The following RAB3D variants were observed in gnomAD, a reference collection of about 807,000 sequenced individuals.
The protein encoded by RAB3D is ras-related protein Rab-3D.
A neutral mutation model predicts 19.3 loss-of-function variants in RAB3D; 17 were observed. That is an observed-to-expected ratio of 0.88 (90% CI 0.60 to 1.32). The LOEUF is 1.32. Ranked by LOEUF, RAB3D falls within the 40% of genes most tolerant of loss-of-function variation. RAB3D has a pLI of 0.00. For missense variants in RAB3D, 223 were observed against 299.1 expected (o/e 0.75, Z 1.88); for synonymous variants, 103 against 119.9 (o/e 0.86, Z 0.92).
chr19:11,331,155 C>G (rs1386403749), intron 4 of RAB3D, among the ~76,000 whole-genome samples: 19 of 151,686 alleles, frequency 1.3e-4, no homozygotes, highest in Admixed American at 1.3e-3. Context: ...AGCCAGGCCC[C>G]GTGGTGGTGG....
Position 11,335,721 on chromosome 19 carries a change from G to A in RAB3D, c.291C>T (p.Gly97=), listed in dbSNP as rs1405293540. The change falls in exon 3 of 5, where the codon GGC becomes GGT. Residue 97 remains glycine, a synonymous_variant. Transcript: ENST00000222120. ...ITTAYYRGAM[G]FLLMYDIANQ... Reference sequence around the variant, plus strand: ...TGGCGATGTCATACATGAGCAGGAAGCCCATGGCTCCCCGGTAGTAGGCCG... The same window carrying A: ...TGGCGATGTCATACATGAGCAGGAAACCCATGGCTCCCCGGTAGTAGGCCG... 1.2e-6 allele frequency: 2 copies of A among 1,614,116 alleles called. No individual in the cohort carries two copies. Among genetic ancestry groups the A allele is most frequent in the Admixed American group, 3.3e-5 (2 of 60,010 alleles).
Position 11,323,125 on chromosome 19 carries a change from C to T in RAB3D, c.*2273G>A, listed in dbSNP as rs868271452. 6.8e-6 allele frequency: 1 copy of T among 148,030 alleles called. No individual in the cohort carries two copies. The highest frequency in any genetic ancestry group is 1.5e-5 in the Non-Finnish European group (1 of 66,878). 9.2% of individuals were successfully genotyped at this position (148,030 alleles called of 1,614,324 possible). On this transcript the variant is annotated 3_prime_UTR_variant, in exon 5 of 5. Coordinates refer to ENST00000222120, the MANE Select transcript of RAB3D (RefSeq NM_004283.4). ...CTCTCTGTCTTAAAAAAAAAAAAAA[C>T]AAAAAAACCTCAGCAGGCCATACTG...
chr19:11,333,693 C>CTT (rs112998115), intron 4 of RAB3D, among the ~76,000 whole-genome samples: 3 of 143,456 alleles, frequency 2.1e-5, no homozygotes. Context: ...TCTTTCTTTC[C>CTT]TTTTTTTTTT....
rs778914252 is a variant in RAB3D, at chr19:11,335,434, G to T, written c.472+13C>A. 6.2e-7 allele frequency: 1 copy of T among 1,613,784 alleles called. No individual in the cohort carries two copies. Among genetic ancestry groups the T allele is most frequent in the South Asian group, 1.1e-5 (1 of 91,058 alleles). ...TGGGAGACCAGGGCCTGTGGCCCAGGCTGGGCACTAACCAAGGTCGTCGGC... is the reference window on the plus strand; with the variant it reads ...TGGGAGACCAGGGCCTGTGGCCCAGTCTGGGCACTAACCAAGGTCGTCGGC... On this transcript the variant is annotated intron_variant, in intron 4 of 4. Transcript: ENST00000222120.
chr19:11,337,061 T>C (rs1392021890), intron 2 of RAB3D, 111 bp downstream of exon 2: 6 of 886,160 alleles, frequency 6.8e-6, no homozygotes, highest in Non-Finnish European at 7.0e-6. Context: ...GCCACTGCCC[T>C]CCAGCCTGGG....
intron 4 of RAB3D, among the ~76,000 whole-genome samples, chr19:11,328,389 C>A (rs1028331981): frequency 6.7e-6 from 1 of 148,678 alleles, no homozygotes; most frequent in Non-Finnish European, 1.5e-5. Flanking sequence ...TGGTGGCTCA[C>A]GCCTGTAATT....
Position 11,337,414 on chromosome 19 carries a change from C to G in RAB3D, c.-15G>C. 6.2e-7 allele frequency: 1 copy of G among 1,609,938 alleles called. No homozygotes were observed. The highest frequency in any genetic ancestry group is 1.3e-5 in the African/African-American group (1 of 74,998). On this transcript the variant is annotated 5_prime_UTR_variant, in exon 2 of 5. Transcript: ENST00000222120. ...GCTGATGCCATCTTGGCACAAGCCT[C>G]CTGGGACAGGGAGACCTGAAATCCT...
chr19:11,328,596 G>A (rs1304704044), intron 4 of RAB3D, among the ~76,000 whole-genome samples: 1 of 152,056 alleles, frequency 6.6e-6, no homozygotes, highest in Non-Finnish European at 1.5e-5. Context: ...GCAGTGAGCC[G>A]AGATTATGCC....
chr19:11,334,484 C>G (rs971804689), intron 4 of RAB3D, among the ~76,000 whole-genome samples: 1 of 150,930 alleles, frequency 6.6e-6, no homozygotes, highest in African/African-American at 2.4e-5. Flanking sequence ...AAAACAAAAA[C>G]AAACCATAAA....
chr19:11,335,418 A>G (rs2080848731), intron 4 of RAB3D, 29 bp downstream of exon 4: 1 of 1,612,740 alleles, frequency 6.2e-7, no homozygotes, highest in African/African-American at 1.3e-5. Flanking sequence ...CTGGGAGACC[A>G]GGGCCTGTGG....
At chr19:11,334,966 G>A (rs74179986) in intron 4 of RAB3D, among the ~76,000 whole-genome samples, 6,044 of 151,886 alleles carry the variant, frequency 0.04, 140 homozygotes, top group African/African-American at 0.068. Context: ...GCAGTGAGCC[G>A]AGATCGCGCC....
intron 4 of RAB3D, among the ~76,000 whole-genome samples, chr19:11,327,557 C>G (rs2080819937): frequency 2.6e-5 from 4 of 152,180 alleles, no homozygotes; most frequent in Admixed American, 2.6e-4. Flanking sequence ...AACCACCATG[C>G]CAGGCTAATT....
intron 4 of RAB3D, chr19:11,326,800 G>A (rs1196050161): frequency 1.4e-6 from 1 of 694,178 alleles, no homozygotes; most frequent in Non-Finnish European, 2.6e-6. Context: ...GTAGAGGTGG[G>A]GGTCTCGCTA....
At chr19:11,337,748 G>A (rs1966910614) in intron 1 of RAB3D, among the ~76,000 whole-genome samples, 1 of 151,232 alleles carries the variant, frequency 6.6e-6, no homozygotes, top group Non-Finnish European at 1.5e-5. Context: ...ATAGCTCACT[G>A]CAGTCTTGAC....
intron 4 of RAB3D, chr19:11,327,096 T>C (rs2080817796): frequency 7.3e-6 from 3 of 409,166 alleles, no homozygotes; most frequent in African/African-American, 2.1e-5. Flanking sequence ...GAAAATGGAA[T>C]CATAATGAGT....
At chr19:11,337,993 A>T (rs1304548081) in intron 1 of RAB3D, among the ~76,000 whole-genome samples, 3 of 152,018 alleles carry the variant, frequency 2.0e-5, no homozygotes. Flanking sequence ...TTCTTTATTC[A>T]TTCAACAAAT....
In RAB3D at chr19:11,337,208, G is replaced by A; in HGVS notation, c.192C>T (p.Val64=). Residue 64 remains valine (V), a synonymous_variant, in exon 2 of 5, where the codon GTC becomes GTT. Coordinates refer to ENST00000222120, the MANE Select transcript of RAB3D (RefSeq NM_004283.4). ...TVGIDFKVKT[V]YRHDKRIKLQ... is the part of the protein sequence containing the mutation. ...GCTTGATCCTCTTGTCATGGCGGTA[G>A]ACGGTCTTGACCTTGAAATCGATGC... is the stretch of plus-strand genomic sequence containing the variant. 6.2e-7 allele frequency: 1 copy of A among 1,614,080 alleles called. No individual in the cohort carries two copies.
At position 11,337,321 on chromosome 19, in the gene RAB3D, G is replaced by A. The variant is rs765562328; in HGVS notation, c.79C>T (p.Leu27=). ...QNFDYMFKLL[L]IGNSSVGKTS... ...TTGCCCACACTGCTGTTGCCTATCA[G>A]TAGCAGTTTGAACATATAGTCGAAG... is the stretch of plus-strand genomic sequence containing the variant. Residue 27 remains leucine (L), a synonymous_variant, in exon 2 of 5, where the codon CTG becomes TTG. Coordinates refer to ENST00000222120, the MANE Select transcript of RAB3D (RefSeq NM_004283.4). 5.0e-6 allele frequency: 8 copies of A among 1,614,182 alleles called. No individual in the cohort carries two copies. The highest frequency in any genetic ancestry group is 5.9e-6 in the Non-Finnish European group (7 of 1,180,042).
intron 4 of RAB3D, among the ~76,000 whole-genome samples, chr19:11,328,003 C>A (rs1389704202): frequency 1.3e-5 from 2 of 151,894 alleles, no homozygotes; most frequent in African/African-American, 4.8e-5. Flanking sequence ...TTGAGACCAG[C>A]CTGGGCAACA....
Sources: gnomAD v4.1 joint callset for allele counts (sites outside exome capture counted in the v4.1 genomes callset) on GRCh38, gnomAD v4.1.1 for gene constraint, MANE v1.5 for transcripts, NCBI Gene and HGNC (gene_info 2026-07-23, HGNC 2026-07-21) for gene names.